The following SYT7 variants were observed in gnomAD, a reference collection of about 807,000 sequenced individuals.
The protein encoded by SYT7 is synaptotagmin 7.
SYT7 carries 29 observed loss-of-function variants against 75.1 expected under a neutral mutation model. The observed-to-expected ratio is 0.39, with a 90% CI of 0.29 to 0.53. The LOEUF (loss-of-function observed/expected upper bound fraction) is 0.53. Ranked by LOEUF, SYT7 falls within the 20% of genes least tolerant of loss-of-function variation. The pLI is 0.77. For missense variants in SYT7, 693 were observed against 953.2 expected (o/e 0.73, Z 3.59); for synonymous variants, 376 against 401.7 (o/e 0.94, Z 0.76).
intron 1 of SYT7, among the ~76,000 whole-genome samples, chr11:61,561,741 CTATT>C (rs1487773261): frequency 6.6e-6 from 1 of 152,128 alleles, no homozygotes; most frequent in Non-Finnish European, 1.5e-5. Context: ...ATAGGTGCTA[CTATT>C]TATTAAGCAC....
At chr11:61,538,348 A>AGAGG (rs1555006887) in intron 6 of SYT7, 82 bp from the exon 7 acceptor site, 38 of 436,604 alleles carry the variant, frequency 8.7e-5, no homozygotes, top group African/African-American at 8.1e-4. Context: ...AGAGAGAGGG[A>AGAGG]GAGAGAGAGA....
intron 12 of SYT7, 108 bp downstream of exon 12, chr11:61,522,967 C>A: frequency 1.8e-6 from 2 of 1,124,592 alleles, no homozygotes; most frequent in Non-Finnish European, 2.6e-6. Flanking sequence ...TGATCCCAAT[C>A]TCTCCTGGTG....
At chr11:61,528,429 C>T (rs781467479) in intron 8 of SYT7, among the ~76,000 whole-genome samples, 1 of 152,166 alleles carries the variant, frequency 6.6e-6, no homozygotes, top group Non-Finnish European at 1.5e-5. Context: ...GCACGACACT[C>T]ACTTCCCAGG....
intron 7 of SYT7, among the ~76,000 whole-genome samples, chr11:61,535,233 G>C (rs750924382): frequency 2.0e-5 from 3 of 152,220 alleles, no homozygotes; most frequent in Non-Finnish European, 4.4e-5. Context: ...TCAGAGACGG[G>C]CGAAGGCTGC....
chr11:61,535,476 G>A (rs954325541), intron 7 of SYT7, among the ~76,000 whole-genome samples: 3 of 152,222 alleles, frequency 2.0e-5, no homozygotes, highest in Non-Finnish European at 2.9e-5. Flanking sequence ...ATGAGGGGGT[G>A]GACACGAGCA....
In SYT7 at chr11:61,542,209, A is replaced by C. The variant is rs1417303322; in HGVS notation, c.941+2T>G. The C allele has an allele frequency of 1.3e-6, 2 of 1,533,348 alleles. No individual in the cohort carries two copies. The highest frequency in any genetic ancestry group is 1.7e-6 in the Non-Finnish European group (2 of 1,145,754). 95.0% of individuals were successfully genotyped at this position (1,533,348 alleles called of 1,614,324 possible). ...GCCGGCCCGCTCAAGGGGAGGACTT[A>C]CAGGAAGGATTTCATGTCCAAGCCT... On this transcript the variant is annotated splice_donor_variant, in intron 6 of 12. Coordinates refer to ENST00000539008, the MANE Select transcript of SYT7 (RefSeq NM_001365809.2). LOFTEE classifies it high-confidence loss of function. This position sits in a 1 kb window ranked among gnomAD's most constrained non-coding sequence, Gnocchi z 7.8.
chr11:61,567,470 G>A (rs1034989257), intron 1 of SYT7, among the ~76,000 whole-genome samples: 1 of 152,164 alleles, frequency 6.6e-6, no homozygotes, highest in African/African-American at 2.4e-5. Flanking sequence ...AGCTCCCAGC[G>A]AGCAGGATCC....
intron 1 of SYT7, among the ~76,000 whole-genome samples, chr11:61,559,959 C>T (rs2063596060): frequency 6.6e-6 from 1 of 152,212 alleles, no homozygotes; most frequent in South Asian, 2.1e-4. Flanking sequence ...GCCAGCAAGA[C>T]ACTTGACTCT....
In SYT7 at chr11:61,523,772, T is replaced by C; in HGVS notation, c.1756+55A>G. On this transcript the variant is annotated intron_variant, in intron 11 of 12. Coordinates refer to ENST00000539008, the MANE Select transcript of SYT7 (RefSeq NM_001365809.2). This position sits in a 1 kb window ranked among gnomAD's most constrained non-coding sequence, Gnocchi z 5.0. ...CTGCTCTCCACATCCGGTGTAAACCTTGTGTCACCAGCACCTCCCCGGCCC... is the reference window on the plus strand; with the variant it reads ...CTGCTCTCCACATCCGGTGTAAACCCTGTGTCACCAGCACCTCCCCGGCCC... 2 of 1,548,170 alleles carry C rather than the reference T, an allele frequency of 1.3e-6. No individual in the cohort carries two copies. The highest frequency in any genetic ancestry group is 1.1e-5 in the South Asian group (1 of 88,752).
chr11:61,523,711 G>A lies in SYT7; in HGVS notation c.1756+116C>T, dbSNP rs920490139. On this transcript the variant is annotated intron_variant, in intron 11 of 12. Transcript: ENST00000539008. The surrounding 1 kb of genome is among the most constrained non-coding windows in gnomAD (Gnocchi z 5.0). ...GGTAAGGAGTGAGGACTGGAGGTCGGGGTGTGGCGGGTTGGGGTGAGGACC... is the reference window on the plus strand; with the variant it reads ...GGTAAGGAGTGAGGACTGGAGGTCGAGGTGTGGCGGGTTGGGGTGAGGACC... 16 of 1,046,070 alleles carry A rather than the reference G, an allele frequency of 1.5e-5. No homozygotes were observed. 64.8% of individuals were successfully genotyped at this position (1,046,070 alleles called of 1,614,324 possible).
At chr11:61,544,575 C>A (rs955501209) in intron 5 of SYT7, among the ~76,000 whole-genome samples, 4 of 152,124 alleles carry the variant, frequency 2.6e-5, no homozygotes, top group Non-Finnish European at 2.9e-5. Flanking sequence ...AGAGGGAGGG[C>A]GGCACATTGG....
chr11:61,539,101 C>T (rs529496408), intron 6 of SYT7, among the ~76,000 whole-genome samples: 1 of 152,304 alleles, frequency 6.6e-6, no homozygotes, highest in South Asian at 2.1e-4. Context: ...CCAGAAGGCA[C>T]CACAAGCCAA....
chr11:61,547,095 G>A, intron 4 of SYT7, 82 bp downstream of exon 4: 1 of 1,473,430 alleles, frequency 6.8e-7, no homozygotes, highest in Non-Finnish European at 9.1e-7. Context: ...AGCGGGTCCA[G>A]AGGTGGGTGG....
chr11:61,558,353 G>C (rs1254333820), intron 1 of SYT7, among the ~76,000 whole-genome samples: 1 of 152,104 alleles, frequency 6.6e-6, no homozygotes, highest in Non-Finnish European at 1.5e-5. Context: ...GGAGGCTGAG[G>C]CATGAGAATT....
At chr11:61,522,324 G>A (rs2062367415) in intron 12 of SYT7, among the ~76,000 whole-genome samples, 1 of 151,614 alleles carries the variant, frequency 6.6e-6, no homozygotes, top group Admixed American at 6.6e-5. Context: ...TGAGTAGCTG[G>A]GATTACAGGC....
In SYT7 at chr11:61,549,290, T is replaced by C. The variant is rs192904526; in HGVS notation, c.216-1982A>G. Among the ~76,000 whole-genome samples the C allele has an allele frequency of 1.1e-4, 17 of 152,288 alleles. 1 individual carries two copies. The East Asian group carries it at 2.5e-3, about 22-fold the overall frequency. On this transcript the variant is annotated intron_variant, in intron 3 of 12. Transcript: ENST00000539008. ...CGGTACTGGAAAAAAGGATCTTTGA[T>C]TAAAGAAATTTGGGAAACACTGATT...
chr11:61,526,387 C>T (rs2062517734), intron 9 of SYT7: 1 of 152,166 alleles, frequency 6.6e-6, no homozygotes, highest in Admixed American at 6.5e-5. Context: ...AGGAGGCAGG[C>T]TCCTAGCTGG....
Position 61,518,289 on chromosome 11 carries a change from G to A in SYT7, c.*338C>T. 4.5e-6 allele frequency: 1 copy of A among 223,454 alleles called. No homozygotes were observed. The highest frequency in any genetic ancestry group is 8.8e-6 in the Non-Finnish European group (1 of 114,196). 13.8% of individuals were successfully genotyped at this position (223,454 alleles called of 1,614,324 possible). The stretch of plus-strand genomic sequence containing the variant: ...CCAGGTGCTGCCTTAAAGAAAATGG[G>A]GGACCATGCCCACCTGGCGGGCCTC... On this transcript the variant is annotated 3_prime_UTR_variant, in exon 13 of 13. Transcript: ENST00000539008.
At chr11:61,531,106 G>A in intron 8 of SYT7, 1 of 985,446 alleles carries the variant, frequency 1.0e-6, no homozygotes, top group Non-Finnish European at 1.2e-6. Context: ...CAGAGACCAG[G>A]ACAGGCTGAG....
Sources: gnomAD v4.1 joint callset for allele counts (sites outside exome capture counted in the v4.1 genomes callset) on GRCh38, gnomAD v4.1.1 for gene constraint, Gnocchi (gnomAD v3.1) non-coding constraint, MANE v1.5 for transcripts, NCBI Gene and HGNC (gene_info 2026-07-23, HGNC 2026-07-21) for gene names.